Variants in DIP2C observed in about 807,000 individuals in gnomAD.
The protein encoded by DIP2C is DIP2 acetate--CoA ligase C (putative).
A neutral mutation model predicts 192.4 loss-of-function variants in DIP2C; 33 were observed. The ratio of observed to expected loss-of-function variants is 0.17; its 90% CI spans 0.13 to 0.23. The LOEUF (loss-of-function observed/expected upper bound fraction) is 0.23, where lower values mean the gene tolerates loss of function less well. Among genes scored for constraint, DIP2C ranks in the 10% least tolerant of loss-of-function variants. The pLI is 1.00. For missense variants in DIP2C, 1,537 were observed against 2,110.1 expected, an observed-to-expected ratio of 0.73 and a Z score of 5.32; for synonymous variants, 979 against 864.1, an observed-to-expected ratio of 1.13 and a Z score of -2.33.
In DIP2C at chr10:372,027, G is replaced by A. The variant is rs535880176; in HGVS notation, c.1992-2394C>T. Among the ~76,000 whole-genome samples the A allele has an allele frequency of 2.0e-3, 311 of 151,784 alleles. 1 individual carries two copies. The highest frequency in any genetic ancestry group is 0.014 in the Middle Eastern group (4 of 288). On this transcript the variant is annotated intron_variant, in intron 17 of 36. Transcript: ENST00000280886. The stretch of plus-strand genomic sequence containing the variant: ...CCGGAAGGGAAAAAGTTATCTCAGG[G>A]CCCAAAAACGTATGTTTTATTGTCT...
At chr10:310,189 TA>T (rs1956510238) in intron 31 of DIP2C, 97 bp from the exon 32 acceptor site, 2 of 1,217,690 alleles carry the variant, frequency 1.6e-6, no homozygotes, top group Non-Finnish European at 2.4e-6. Context: ...TGTAAAATCT[TA>T]AAGTGAAAAA....
chr10:528,119 T>TCC (rs760066830), intron 1 of DIP2C, among the ~76,000 whole-genome samples: 3 of 151,704 alleles, frequency 2.0e-5, no homozygotes, highest in African/African-American at 7.3e-5. Flanking sequence ...GCCTGGAACA[T>TCC]CCCCCCTGAA....
In DIP2C at chr10:276,243, A is replaced by G. The variant is rs1954510146; in HGVS notation, c.*1082T>C. 1 of 152,652 alleles carries G rather than the reference A, an allele frequency of 6.6e-6. No individual in the cohort carries two copies. The highest frequency in any genetic ancestry group is 2.4e-5 in the African/African-American group (1 of 41,462). The allele number at this position is 152,652 out of a possible 1,614,324, so 9.5% of individuals were successfully genotyped here. On this transcript the variant is annotated 3_prime_UTR_variant, in exon 37 of 37. Transcript: ENST00000280886. ...CCCACAGCAAAGAAAAAAATAGTGCACATTGAGCTTTGAATTCTTTTGCCA... is the reference window on the plus strand; with the variant it reads ...CCCACAGCAAAGAAAAAAATAGTGCGCATTGAGCTTTGAATTCTTTTGCCA...
chr10:341,463 C>A, intron 28 of DIP2C, 134 bp from the exon 29 acceptor site: 2 of 1,298,444 alleles, frequency 1.5e-6, no homozygotes, highest in Non-Finnish European at 2.2e-6. Context: ...CGGGACAATA[C>A]GGGGCTGCAC....
intron 32 of DIP2C, among the ~76,000 whole-genome samples, chr10:297,375 TC>T (rs1955812496): frequency 6.6e-6 from 1 of 151,968 alleles, no homozygotes; most frequent in African/African-American, 2.4e-5. Context: ...ACATTTGCAC[TC>T]CTCTGTTTAC....
At chr10:348,872 G>T in intron 25 of DIP2C, 110 bp from the exon 26 acceptor site, 1 of 1,489,204 alleles carries the variant, frequency 6.7e-7, no homozygotes, top group Non-Finnish European at 9.1e-7. Flanking sequence ...GAAACGAGCA[G>T]CTGAGCTTCT....
chr10:349,549 C>G, intron 24 of DIP2C, 95 bp from the exon 25 acceptor site: 1 of 1,487,604 alleles, frequency 6.7e-7, no homozygotes, highest in Admixed American at 1.9e-5. Flanking sequence ...TGGCGCAAAG[C>G]ATACATCACT....
intron 3 of DIP2C, chr10:441,286 G>A: frequency 3.0e-6 from 1 of 334,042 alleles, no homozygotes; most frequent in Non-Finnish European, 5.5e-6. Flanking sequence ...TTGATCTTTG[G>A]AGATCTCTTT....
chr10:560,662 C>A (rs759681659), intron 1 of DIP2C, among the ~76,000 whole-genome samples: 2 of 152,190 alleles, frequency 1.3e-5, no homozygotes, highest in Non-Finnish European at 2.9e-5. Flanking sequence ...AATTACCACA[C>A]GGGCTATCAT....
intron 1 of DIP2C, among the ~76,000 whole-genome samples, chr10:604,704 C>A (rs1366292776): frequency 1.3e-5 from 2 of 152,238 alleles, no homozygotes; most frequent in African/African-American, 4.8e-5. Context: ...CCCTAAAAGA[C>A]ATTTGTCAAT....
chr10:532,168 C>T (rs996137252), intron 1 of DIP2C, among the ~76,000 whole-genome samples: 4 of 152,128 alleles, frequency 2.6e-5, no homozygotes, highest in African/African-American at 7.2e-5. Context: ...AGAGTAAGAG[C>T]CTGTGGATTT....
At chr10:551,638 T>C (rs1848594680) in intron 1 of DIP2C, among the ~76,000 whole-genome samples, 1 of 152,120 alleles carries the variant, frequency 6.6e-6, no homozygotes, top group East Asian at 1.9e-4. Context: ...CAGCCCCGAG[T>C]GTGAACAGTC....
intron 1 of DIP2C, among the ~76,000 whole-genome samples, chr10:641,469 G>A (rs560100023): frequency 1.3e-5 from 2 of 152,244 alleles, no homozygotes; most frequent in African/African-American, 4.8e-5. Context: ...TAAAGCTGAT[G>A]TTCCCCCACC....
intron 1 of DIP2C, among the ~76,000 whole-genome samples, chr10:559,059 G>A (rs956969253): frequency 3.3e-5 from 5 of 152,074 alleles, no homozygotes; most frequent in Admixed American, 3.3e-4. Context: ...CAAGTTTAAC[G>A]GGAGTTGAAT....
intron 1 of DIP2C, among the ~76,000 whole-genome samples, chr10:530,014 C>A (rs962113191): frequency 1.3e-5 from 2 of 152,254 alleles, no homozygotes; most frequent in Non-Finnish European, 2.9e-5. Context: ...CCTTGCCGAC[C>A]GGCTGTGTGG....
At chr10:555,786 G>A (rs1848821318) in intron 1 of DIP2C, among the ~76,000 whole-genome samples, 1 of 152,072 alleles carries the variant, frequency 6.6e-6, no homozygotes, top group African/African-American at 2.4e-5. Context: ...CTACACGCAA[G>A]GTCACGCAGG....
chr10:644,410 G>C (rs1855352747), intron 1 of DIP2C, among the ~76,000 whole-genome samples: 1 of 152,400 alleles, frequency 6.6e-6, no homozygotes, highest in East Asian at 1.9e-4. Flanking sequence ...CTGGATAATA[G>C]TTGAGACGTA....
At chr10:501,858 T>C (rs958389787) in intron 1 of DIP2C, among the ~76,000 whole-genome samples, 2 of 152,168 alleles carry the variant, frequency 1.3e-5, no homozygotes, top group South Asian at 2.1e-4. Context: ...GGCACTTCAA[T>C]TCCTGGCCAG....
chr10:576,803 A>T (rs113718883), intron 1 of DIP2C, among the ~76,000 whole-genome samples: 8,299 of 152,238 alleles, frequency 0.055, 284 homozygotes, highest in Admixed American at 0.082. Flanking sequence ...GCTACTTGGG[A>T]AGCTGAAGCA....
Sources: allele counts gnomAD v4.1 joint callset (sites outside exome capture counted in the v4.1 genomes callset), GRCh38; gene constraint gnomAD v4.1.1; transcripts MANE v1.5; gene names NCBI Gene and HGNC (gene_info 2026-07-23, HGNC 2026-07-21).